UBE2L3: variants seen among roughly 807,000 people sequenced by gnomAD.
The protein encoded by UBE2L3 is ubiquitin conjugating enzyme E2 L3, also known as ubiquitin-conjugating enzyme E2 L3.
Under a neutral mutation model 17.8 loss-of-function variants are expected in UBE2L3, and 1 was observed. The ratio of observed to expected loss-of-function variants is 0.06; its 90% CI spans 0.02 to 0.27. The LOEUF is 0.27. UBE2L3 is among the 10% of genes least tolerant of loss of function. The probability of loss-of-function intolerance (pLI) is 1.00; values close to 1 mark genes in which losing one functional copy is unlikely to be tolerated. For synonymous variants in UBE2L3, 44 were observed against 68.5 expected, an observed-to-expected ratio of 0.64 and a Z score of 1.76; for missense variants, 40 against 192.6, an observed-to-expected ratio of 0.21 and a Z score of 4.69.
intron 2 of UBE2L3, among the ~76,000 whole-genome samples, chr22:21,603,699 C>T (rs1368116957): frequency 2.0e-5 from 3 of 150,596 alleles, no homozygotes; most frequent in Non-Finnish European, 3.0e-5. Flanking sequence ...AAAAATTAGC[C>T]GGGTGTGGTG....
chr22:21,577,405 C>T (rs1927375905), intron 1 of UBE2L3, among the ~76,000 whole-genome samples: 1 of 152,196 alleles, frequency 6.6e-6, no homozygotes. Context: ...GCACCCAGCC[C>T]TTGTCTTCTC....
At chr22:21,567,904 C>T in intron 1 of UBE2L3, 133 bp downstream of exon 1, 3 of 1,514,702 alleles carry the variant, frequency 2.0e-6, no homozygotes, top group Non-Finnish European at 1.8e-6. Context: ...GTTCCCTGGG[C>T]CGCGCGCAGG....
upstream of UBE2L3, chr22:21,567,705 C>T: frequency 6.4e-7 from 1 of 1,567,206 alleles, no homozygotes; most frequent in Non-Finnish European, 8.6e-7. Flanking sequence ...GCCCGGCCGG[C>T]CGCGATGCAT....
chr22:21,602,992 G>T (rs559278253), intron 2 of UBE2L3, among the ~76,000 whole-genome samples: 23 of 152,138 alleles, frequency 1.5e-4, no homozygotes, highest in Non-Finnish European at 2.9e-4. Flanking sequence ...GGCTTCCCAG[G>T]GTTGGTGTTA....
chr22:21,598,195 A>ATGTGTGTGTGTGTG (rs371127802), intron 2 of UBE2L3, among the ~76,000 whole-genome samples: 9 of 148,510 alleles, frequency 6.1e-5, no homozygotes, highest in East Asian at 2.1e-4. Flanking sequence ...GGTTTCATTA[A>ATGTGTGTGTGTGTG]TGTGTGTGTG....
chr22:21,581,950 G>GAA (rs900774032), intron 1 of UBE2L3, among the ~76,000 whole-genome samples: 15 of 139,622 alleles, frequency 1.1e-4, no homozygotes, highest in African/African-American at 4.0e-4. Context: ...CATGTCTACT[G>GAA]AAAAAAAAAA....
At chr22:21,613,324 TC>T (rs1244712333) in intron 3 of UBE2L3, among the ~76,000 whole-genome samples, 2 of 152,154 alleles carry the variant, frequency 1.3e-5, no homozygotes, top group Non-Finnish European at 2.9e-5. Context: ...TGGCTGCTTC[TC>T]CCCCACCCCC....
chr22:21,590,461 G>T (rs191388953), intron 1 of UBE2L3, among the ~76,000 whole-genome samples: 6 of 152,242 alleles, frequency 3.9e-5, no homozygotes, highest in Non-Finnish European at 8.8e-5. Flanking sequence ...GCTTCCCAAA[G>T]TGTTGGGATT....
At chr22:21,581,927 C>T (rs1184723987) in intron 1 of UBE2L3, among the ~76,000 whole-genome samples, 7 of 150,582 alleles carry the variant, frequency 4.6e-5, no homozygotes, top group Admixed American at 4.0e-4. Flanking sequence ...GCCTGGCCAA[C>T]ATGGCAAAAC....
chr22:21,581,847 C>G (rs955625895), intron 1 of UBE2L3, among the ~76,000 whole-genome samples: 1 of 151,622 alleles, frequency 6.6e-6, no homozygotes, highest in Admixed American at 6.6e-5. Flanking sequence ...CCCAGTAGCT[C>G]ATGCCTATAA....
chr22:21,599,524 G>A (rs1287350805), intron 2 of UBE2L3, among the ~76,000 whole-genome samples: 3 of 152,122 alleles, frequency 2.0e-5, no homozygotes, highest in Non-Finnish European at 2.9e-5. Context: ...CACTGAGTGT[G>A]GCTCCACCTG....
rs528290051 is a variant in UBE2L3, at chr22:21,609,122, C to A, written c.124-1735C>A. Among the ~76,000 whole-genome samples the A allele has an allele frequency of 2.0e-5, 3 of 152,204 alleles. No homozygotes were observed. In the South Asian group the frequency reaches 6.2e-4, roughly 32 times the overall value. The stretch of plus-strand genomic sequence containing the variant: ...CTGTGTTAGCCAGGATGGTCTCGAT[C>A]TCCTGACCTCGTGATCCACCTGCCT... On this transcript the variant is annotated intron_variant, in intron 2 of 3. Transcript: ENST00000342192.
At chr22:21,596,155 C>T (rs745900378) in intron 2 of UBE2L3, among the ~76,000 whole-genome samples, 2 of 152,142 alleles carry the variant, frequency 1.3e-5, no homozygotes, top group Non-Finnish European at 2.9e-5. Flanking sequence ...TGAGCCACCA[C>T]GCTGGCCTTC....
chr22:21,616,658 CAA>C (rs941408810), intron 3 of UBE2L3, among the ~76,000 whole-genome samples: 28 of 92,756 alleles, frequency 3.0e-4, no homozygotes, highest in Admixed American at 4.9e-4. Context: ...ACTCCATCTC[CAA>C]AAAAAAAAAA....
chr22:21,565,075 A>T (rs201690980), upstream of UBE2L3, among the ~76,000 whole-genome samples: 9 of 151,968 alleles, frequency 5.9e-5, no homozygotes, highest in South Asian at 1.0e-3. Context: ...GGCCAGCCTT[A>T]TTCCAGGATA....
chr22:21,599,841 C>T (rs1406456553), intron 2 of UBE2L3, among the ~76,000 whole-genome samples: 1 of 151,942 alleles, frequency 6.6e-6, no homozygotes, highest in Non-Finnish European at 1.5e-5. Context: ...GTATTTTTTC[C>T]ATTCTTGGGA....
intron 2 of UBE2L3, among the ~76,000 whole-genome samples, chr22:21,600,970 G>A (rs971954824): frequency 3.9e-5 from 6 of 151,980 alleles, no homozygotes; most frequent in African/African-American, 1.2e-4. Flanking sequence ...AGGATTTTGC[G>A]ACCAGCCTGG....
chr22:21,619,827 G>A (rs1332138292), intron 3 of UBE2L3, among the ~76,000 whole-genome samples: 1 of 152,180 alleles, frequency 6.6e-6, no homozygotes, highest in African/African-American at 2.4e-5. Flanking sequence ...GAGTAGCTGG[G>A]ACTCTAGGCA....
chr22:21,589,283 C>T (rs563914794), intron 1 of UBE2L3, among the ~76,000 whole-genome samples: 1 of 150,818 alleles, frequency 6.6e-6, no homozygotes, highest in South Asian at 2.1e-4. Flanking sequence ...GTAGCTGGGA[C>T]TACAGGCGCC....
Sources: gnomAD v4.1 joint callset for allele counts (sites outside exome capture counted in the v4.1 genomes callset) on GRCh38, gnomAD v4.1.1 for gene constraint, MANE v1.5 for transcripts, NCBI Gene and HGNC (gene_info 2026-07-23, HGNC 2026-07-21) for gene names.